GPC5: variants seen among roughly 807,000 people sequenced by gnomAD.
GPC5 encodes glypican-5.
GPC5 carries 47 observed loss-of-function variants against 53.9 expected under a neutral mutation model. The observed-to-expected ratio is 0.87, with a 90% CI of 0.69 to 1.11. The LOEUF (loss-of-function observed/expected upper bound fraction) is 1.11. Ranked by LOEUF, GPC5 falls within the 50% of genes most tolerant of loss-of-function variation. GPC5 has a pLI of 0.00. For missense variants in GPC5, 748 were observed against 713.1 expected, an observed-to-expected ratio of 1.05 and a Z score of -0.56; for synonymous variants, 286 against 263.3, an observed-to-expected ratio of 1.09 and a Z score of -0.84.
At chr13:92,297,052 C>T (rs180749571) in intron 7 of GPC5, among the ~76,000 whole-genome samples, 2,214 of 152,346 alleles carry the variant, frequency 0.015, 19 homozygotes, top group Non-Finnish European at 0.021. Flanking sequence ...GGAATGCAAG[C>T]GCATGGCGCA....
chr13:91,808,555 C>G (rs1408559871), intron 5 of GPC5, among the ~76,000 whole-genome samples: 2 of 152,116 alleles, frequency 1.3e-5, no homozygotes, highest in Non-Finnish European at 2.9e-5. Flanking sequence ...AATTCAAAGA[C>G]AGAGAAAGCA....
chr13:92,510,690 G>C (rs1483542231), intron 7 of GPC5, among the ~76,000 whole-genome samples: 2 of 152,174 alleles, frequency 1.3e-5, no homozygotes, highest in African/African-American at 2.4e-5. Context: ...ACTTTAGATG[G>C]AGCCACGTGG....
In GPC5 at chr13:92,611,020, A is replaced by G. The variant is rs545718939; in HGVS notation, c.1562-255262A>G. 5.8e-4 allele frequency among the ~76,000 whole-genome samples: 87 copies of G among 151,166 alleles called. 1 individual carries two copies. Among genetic ancestry groups the G allele is most frequent in the Middle Eastern group, 3.4e-3 (1 of 294 alleles). On this transcript the variant is annotated intron_variant, in intron 7 of 7. Transcript: ENST00000377067. ...GGTAGATTTCTCTGCTTAGTGATCAACTACAATATGTCCTATGTGGTACAT... is the reference window on the plus strand; with the variant it reads ...GGTAGATTTCTCTGCTTAGTGATCAGCTACAATATGTCCTATGTGGTACAT...
chr13:92,331,978 T>C (rs2043291140), intron 7 of GPC5, among the ~76,000 whole-genome samples: 1 of 152,074 alleles, frequency 6.6e-6, no homozygotes, highest in Admixed American at 6.6e-5. Flanking sequence ...GTAATTACAG[T>C]TTTCAACAAT....
At chr13:92,286,246 G>C (rs1187914128) in intron 7 of GPC5, among the ~76,000 whole-genome samples, 1 of 152,144 alleles carries the variant, frequency 6.6e-6, no homozygotes, top group Non-Finnish European at 1.5e-5. Context: ...GCAGGTGCTG[G>C]AGAAGATGTG....
chr13:92,101,530 T>C (rs1453240280), intron 6 of GPC5, among the ~76,000 whole-genome samples: 1 of 152,240 alleles, frequency 6.6e-6, no homozygotes, highest in Non-Finnish European at 1.5e-5. Flanking sequence ...GGCTATCATT[T>C]AATTAGGATG....
intron 6 of GPC5, among the ~76,000 whole-genome samples, chr13:92,127,882 T>C (rs1420544453): frequency 6.6e-6 from 1 of 152,310 alleles, no homozygotes; most frequent in East Asian, 1.9e-4. Context: ...CAGTGTGAAA[T>C]ACTATCTTTC....
At chr13:92,760,146 T>C (rs1437137748) in intron 7 of GPC5, among the ~76,000 whole-genome samples, 3 of 152,118 alleles carry the variant, frequency 2.0e-5, no homozygotes, top group African/African-American at 7.2e-5. Flanking sequence ...TAGTTTATTT[T>C]CTTATGGTGT....
intron 1 of GPC5, among the ~76,000 whole-genome samples, chr13:91,432,296 T>C (rs906864116): frequency 1.3e-5 from 2 of 151,950 alleles, no homozygotes; most frequent in African/African-American, 4.8e-5. Flanking sequence ...TGTAGCAGAA[T>C]GTTACTTGTT....
chr13:92,781,024 C>T (rs1371536121), intron 7 of GPC5, among the ~76,000 whole-genome samples: 1 of 152,076 alleles, frequency 6.6e-6, no homozygotes, highest in Non-Finnish European at 1.5e-5. Context: ...CATACATGTA[C>T]GTGCACACGC....
chr13:91,582,893 C>T (rs533987336), intron 2 of GPC5, among the ~76,000 whole-genome samples: 131 of 152,000 alleles, frequency 8.6e-4, no homozygotes, highest in African/African-American at 2.9e-3. Flanking sequence ...CCCAGCTACC[C>T]GGAAGGCTGA....
intron 2 of GPC5, among the ~76,000 whole-genome samples, chr13:91,559,480 A>G (rs2031139933): frequency 1.3e-5 from 2 of 152,174 alleles, no homozygotes; most frequent in South Asian, 4.1e-4. Context: ...AACTAAAAAC[A>G]AAATTAAATT....
chr13:92,535,783 A>G (rs1368132487), intron 7 of GPC5, among the ~76,000 whole-genome samples: 1 of 152,136 alleles, frequency 6.6e-6, no homozygotes, highest in African/African-American at 2.4e-5. Context: ...ATTCTAAGAA[A>G]CACCACATTC....
intron 2 of GPC5, among the ~76,000 whole-genome samples, chr13:91,618,378 G>C (rs1337521564): frequency 1.3e-5 from 2 of 152,066 alleles, no homozygotes; most frequent in Admixed American, 6.6e-5. Context: ...GTCTGGCTGT[G>C]TCTTGGGACC....
chr13:92,149,472 A>G (rs2041891949), intron 7 of GPC5, among the ~76,000 whole-genome samples: 1 of 152,080 alleles, frequency 6.6e-6, no homozygotes, highest in South Asian at 2.1e-4. Flanking sequence ...TTGGTTGATT[A>G]GAGTAAAATA....
At chr13:92,047,818 A>AC (rs2040995242) in intron 6 of GPC5, among the ~76,000 whole-genome samples, 1 of 150,408 alleles carries the variant, frequency 6.6e-6, no homozygotes, top group African/African-American at 2.4e-5. Context: ...AAAAAAAAAA[A>AC]AAAAAAAAAG....
chr13:91,903,920 A>C (rs1250943145), intron 5 of GPC5, among the ~76,000 whole-genome samples: 1 of 152,076 alleles, frequency 6.6e-6, no homozygotes, highest in Non-Finnish European at 1.5e-5. Context: ...GATGTAAATC[A>C]ATTAATAGCT....
At chr13:91,916,228 GA>G (rs886151020) in intron 6 of GPC5, among the ~76,000 whole-genome samples, 4 of 150,334 alleles carry the variant, frequency 2.7e-5, no homozygotes, top group African/African-American at 9.7e-5. Flanking sequence ...AACCACTATG[GA>G]AAAAAAAATG....
chr13:91,595,754 A>C (rs896416305), intron 2 of GPC5, among the ~76,000 whole-genome samples: 2 of 152,178 alleles, frequency 1.3e-5, no homozygotes, highest in Non-Finnish European at 2.9e-5. Context: ...TTACAGCAAA[A>C]GACTTTGAAG....
Sources: allele counts gnomAD v4.1 joint callset (sites outside exome capture counted in the v4.1 genomes callset), GRCh38; gene constraint gnomAD v4.1.1; transcripts MANE v1.5; gene names NCBI Gene and HGNC (gene_info 2026-07-23, HGNC 2026-07-21).